The following SFSWAP variants were observed in gnomAD, a reference collection of about 807,000 sequenced individuals.
The protein encoded by SFSWAP is splicing factor, suppressor of white-apricot homolog.
A neutral mutation model predicts 100.7 loss-of-function variants in SFSWAP; 17 were observed. The observed-to-expected ratio is 0.17, with a 90% confidence interval of 0.12 to 0.25. The LOEUF is 0.25. Ranked by LOEUF, SFSWAP falls within the 10% of genes least tolerant of loss-of-function variation. The pLI, the probability that SFSWAP is intolerant of heterozygous loss-of-function variation, is 1.00. For synonymous variants in SFSWAP, 504 were observed against 510.1 expected (o/e 0.99, Z 0.16); for missense variants, 1,005 against 1,262.6 (o/e 0.80, Z 3.09).
intron 7 of SFSWAP, among the ~76,000 whole-genome samples, chr12:131,749,371 T>C (rs1224627682): frequency 6.6e-6 from 1 of 152,248 alleles, no homozygotes; most frequent in Admixed American, 6.5e-5. Flanking sequence ...GGCACAGTTA[T>C]TGTAAAGCTG....
intron 3 of SFSWAP, among the ~76,000 whole-genome samples, chr12:131,718,117 A>G (rs4964985): frequency 0.16 from 25,000 of 152,166 alleles, 2,360 homozygotes; most frequent in South Asian, 0.28. Flanking sequence ...GTGTTAAATA[A>G]CTGTAACTTA....
At chr12:131,738,711 A>G (rs562406107) in intron 7 of SFSWAP, among the ~76,000 whole-genome samples, 12 of 152,130 alleles carry the variant, frequency 7.9e-5, no homozygotes, top group Non-Finnish European at 1.8e-4. Context: ...CATTTAATAT[A>G]TCTCGAACAT....
chr12:131,794,373 T>TA lies in SFSWAP; in HGVS notation c.2535-2791dup, dbSNP rs931586609. 4.1e-3 allele frequency among the ~76,000 whole-genome samples: 578 copies of TA among 140,774 alleles called. 1 individual carries two copies. Among genetic ancestry groups the TA allele is most frequent in the Non-Finnish European group, 6.0e-3 (384 of 64,348 alleles). 92.4% of individuals were successfully genotyped at this position (140,774 alleles called of 152,430 possible). On this transcript the variant is annotated intron_variant, in intron 15 of 17. Transcript: ENST00000261674. The surrounding 1 kb of genome is among the most constrained non-coding windows in gnomAD (Gnocchi z 4.8). Reference sequence around the variant, plus strand: ...TTTGGTAGAGACCCCCATCTCTACTTAAAAAAAAAAAAAATTAGCCATTTG... The same window carrying TA: ...TTTGGTAGAGACCCCCATCTCTACTTAAAAAAAAAAAAAAATTAGCCATTTG...
At chr12:131,743,101 G>A (rs1880807394) in intron 7 of SFSWAP, among the ~76,000 whole-genome samples, 1 of 152,184 alleles carries the variant, frequency 6.6e-6, no homozygotes, top group African/African-American at 2.4e-5. Flanking sequence ...CAACATGTGG[G>A]AATAGTGGTA....
At chr12:131,776,436 C>T (rs981804320) in intron 13 of SFSWAP, among the ~76,000 whole-genome samples, 1 of 152,234 alleles carries the variant, frequency 6.6e-6, no homozygotes, top group Non-Finnish European at 1.5e-5. Context: ...GCAGCCAGCT[C>T]AAGTGGAAAC....
intron 7 of SFSWAP, among the ~76,000 whole-genome samples, chr12:131,738,907 T>TTTTTTTTTTTTTTTTTTTC (rs1880320895): frequency 8.0e-6 from 1 of 125,394 alleles, no homozygotes; most frequent in Non-Finnish European, 1.7e-5. Context: ...TTTTTTTTTT[T>TTTTTTTTTTTTTTTTTTTC]TTGAGACAGG....
At chr12:131,783,543 G>A (rs1242646799) in intron 14 of SFSWAP, 1 of 151,026 alleles carries the variant, frequency 6.6e-6, no homozygotes, top group Non-Finnish European at 1.5e-5. Flanking sequence ...TATAATCCCA[G>A]CACTTTGGGA....
intron 14 of SFSWAP, chr12:131,784,349 TC>T (rs1233241164): frequency 6.6e-6 from 1 of 152,122 alleles, no homozygotes; most frequent in African/African-American, 2.4e-5. Flanking sequence ...CACAGAGAAT[TC>T]CGTGACAGAA....
chr12:131,712,961 T>C (rs1006625461), intron 1 of SFSWAP: 2 of 152,234 alleles, frequency 1.3e-5, no homozygotes, highest in Admixed American at 1.3e-4. Flanking sequence ...TTAATAATAA[T>C]CTACATTTGT....
At chr12:131,785,165 C>G in intron 14 of SFSWAP, 1 of 1,535,700 alleles carries the variant, frequency 6.5e-7, no homozygotes. Context: ...TATCAGGCAG[C>G]CTCGACCACC....
intron 12 of SFSWAP, 129 bp from the exon 13 acceptor site, chr12:131,765,989 C>A: frequency 1.2e-6 from 1 of 841,780 alleles, no homozygotes. Context: ...TTGATTTGTC[C>A]AATGTATGTA....
intron 13 of SFSWAP, among the ~76,000 whole-genome samples, chr12:131,774,757 G>C (rs1394124000): frequency 6.6e-6 from 1 of 152,138 alleles, no homozygotes; most frequent in Non-Finnish European, 1.5e-5. Context: ...TCACCTTCAT[G>C]GTGAAGGATG....
chr12:131,720,669 CCACTCT>C (rs1878389536), intron 4 of SFSWAP, among the ~76,000 whole-genome samples: 1 of 152,186 alleles, frequency 6.6e-6, no homozygotes, highest in Non-Finnish European at 1.5e-5. Flanking sequence ...TCACTCGCTG[CCACTCT>C]AATTGAGTTC....
At chr12:131,738,102 TATCTG>T (rs1038146245) in intron 7 of SFSWAP, among the ~76,000 whole-genome samples, 37 of 152,208 alleles carry the variant, frequency 2.4e-4, no homozygotes, top group African/African-American at 8.9e-4. Flanking sequence ...ATTCTATAAA[TATCTG>T]AAGTGAAATT....
intron 11 of SFSWAP, among the ~76,000 whole-genome samples, chr12:131,762,655 C>T (rs758023660): frequency 6.6e-6 from 1 of 152,074 alleles, no homozygotes; most frequent in Non-Finnish European, 1.5e-5. Flanking sequence ...AGTGCAGTGG[C>T]GTGATCTCAG....
chr12:131,753,215 T>C lies in SFSWAP; in HGVS notation c.1174T>C (p.Tyr392His). The C allele has an allele frequency of 6.2e-7, 1 of 1,614,156 alleles. No individual in the cohort carries two copies. Among genetic ancestry groups the C allele is most frequent in the Non-Finnish European group, 8.5e-7 (1 of 1,180,008 alleles). The change falls in exon 8 of 18, where the codon TAC becomes CAC. Residue 392 changes from tyrosine (Y) to histidine (H), a missense_variant. Physicochemically the swap from Tyr to His is moderately conservative, Grantham distance 83. Around this residue, in one of 7 missense-constraint regions of SFSWAP, gnomAD observed 311 missense variants for 317.8 expected, o/e 0.98. Coordinates refer to ENST00000261674, the MANE Select transcript of SFSWAP (RefSeq NM_004592.4). The stretch of plus-strand genomic sequence containing the variant: ...CCCTCCCGGAATCGACGTGACTACT[T>C]ACTACAGCACCCTTCCTGCTGGCGT... ...PPPPGIDVTT[Y>H]YSTLPAGVTV... is the part of the protein sequence containing the mutation.
intron 3 of SFSWAP, among the ~76,000 whole-genome samples, chr12:131,716,855 T>A (rs2136176455): frequency 6.6e-6 from 1 of 152,270 alleles, no homozygotes; most frequent in East Asian, 1.9e-4. Flanking sequence ...TGATGTTCAG[T>A]TTGTTATAAT....
Position 131,797,368 on chromosome 12 carries a change from C to A in SFSWAP, c.2717+8C>A. 6.3e-7 allele frequency: 1 copy of A among 1,599,780 alleles called. No homozygotes were observed. ...CAGCCAGGAGCGCTCCAGGTAACCC[C>A]TGTCCTCCAGCAGCTCTCTCTGGGG... On this transcript the variant is annotated splice_region_variant and intron_variant, in intron 16 of 17. Transcript: ENST00000261674.
chr12:131,788,569 A>C (rs1360195935), intron 15 of SFSWAP, among the ~76,000 whole-genome samples: 4 of 147,992 alleles, frequency 2.7e-5, no homozygotes, highest in Non-Finnish European at 6.0e-5. Context: ...CCTGTTTCCC[A>C]GGCTGGAGTG....
Sources: allele counts gnomAD v4.1 joint callset (sites outside exome capture counted in the v4.1 genomes callset), GRCh38; gene constraint gnomAD v4.1.1; regional missense constraint gnomAD v4.1.1; non-coding constraint Gnocchi (gnomAD v3.1); transcripts MANE v1.5; gene names NCBI Gene and HGNC (gene_info 2026-07-23, HGNC 2026-07-21).